Variants in GABRA4 observed in about 807,000 individuals in gnomAD.
GABRA4 encodes the protein gamma-aminobutyric acid receptor subunit alpha-4.
Under a neutral mutation model 49.7 loss-of-function variants are expected in GABRA4, and 12 were observed. That is an observed-to-expected ratio of 0.24 (90% CI 0.15 to 0.39). GABRA4 has a LOEUF of 0.39. GABRA4 is among the 10% of genes least tolerant of loss of function. The pLI, the probability that GABRA4 is intolerant of heterozygous loss-of-function variation, is 1.00. For synonymous variants in GABRA4, 288 were observed against 240.2 expected (o/e 1.20, Z -1.84); for missense variants, 506 against 686.0 (o/e 0.74, Z 2.93).
chr4:46,943,100 G>A (rs971412270), intron 8 of GABRA4, among the ~76,000 whole-genome samples: 1 of 152,066 alleles, frequency 6.6e-6, no homozygotes, highest in African/African-American at 2.4e-5. Context: ...GTAGAGACCA[G>A]CCCAAAGTTC....
intron 6 of GABRA4, among the ~76,000 whole-genome samples, chr4:46,972,564 C>A (rs924867627): frequency 6.6e-6 from 1 of 151,382 alleles, no homozygotes; most frequent in Non-Finnish European, 1.5e-5. Context: ...ATATACATCA[C>A]CCCCAAAAGT....
intron 8 of GABRA4, among the ~76,000 whole-genome samples, chr4:46,934,038 T>G (rs911512741): frequency 1.3e-5 from 2 of 152,124 alleles, no homozygotes; most frequent in Non-Finnish European, 2.9e-5. Flanking sequence ...AACTTATGAC[T>G]CTAGCAGCAA....
chr4:46,978,703 A>G (rs950476440), intron 3 of GABRA4, among the ~76,000 whole-genome samples: 4 of 149,842 alleles, frequency 2.7e-5, no homozygotes, highest in Non-Finnish European at 5.9e-5. Context: ...AAAAAAAAAA[A>G]AAAAAAAAAA....
At chr4:46,962,308 T>A (rs1722605731) in intron 8 of GABRA4, among the ~76,000 whole-genome samples, 1 of 151,832 alleles carries the variant, frequency 6.6e-6, no homozygotes, top group South Asian at 2.1e-4. Context: ...TTTTTGTATG[T>A]CAATAGTTAA....
chr4:46,947,337 G>A (rs773336581), intron 8 of GABRA4, among the ~76,000 whole-genome samples: 32 of 151,924 alleles, frequency 2.1e-4, no homozygotes, highest in Non-Finnish European at 3.8e-4. Flanking sequence ...ATTTTATGCC[G>A]ATTTTGGAAC....
chr4:46,952,416 T>C (rs996461648), intron 8 of GABRA4, among the ~76,000 whole-genome samples: 2 of 152,124 alleles, frequency 1.3e-5, no homozygotes, highest in Non-Finnish European at 2.9e-5. Context: ...AAGTGTCCTC[T>C]TTCTAAAACT....
intron 7 of GABRA4, among the ~76,000 whole-genome samples, chr4:46,970,688 A>T (rs1722924170): frequency 6.7e-6 from 1 of 148,714 alleles, no homozygotes; most frequent in South Asian, 2.1e-4. Flanking sequence ...TAAGGCTTTC[A>T]TATTCATTCA....
chr4:46,937,350 T>A (rs1480080231), intron 8 of GABRA4, among the ~76,000 whole-genome samples: 1 of 152,232 alleles, frequency 6.6e-6, no homozygotes, highest in Non-Finnish European at 1.5e-5. Context: ...GCTATTTTGT[T>A]ATGGCAACCT....
rs891753098 is a variant in GABRA4, at chr4:46,940,675, A to G, written c.1135-11920T>C. 1.2e-4 allele frequency among the ~76,000 whole-genome samples: 19 copies of G among 152,138 alleles called. 1 individual carries two copies. The highest frequency in any genetic ancestry group is 6.8e-3 in the Middle Eastern group (2 of 294). ...CACATTAAGTCAGCAGAACAAACTC[A>G]AGTTCTACTGTGACACCGATTGGTA... On this transcript the variant is annotated intron_variant, in intron 8 of 8. Coordinates refer to ENST00000264318, the MANE Select transcript of GABRA4 (RefSeq NM_000809.4).
At chr4:46,977,362 G>T in intron 4 of GABRA4, 48 bp downstream of exon 4, 1 of 1,064,540 alleles carries the variant, frequency 9.4e-7, no homozygotes. Context: ...GGAAAGGAAA[G>T]AAAGAAAAGA....
chr4:46,977,173 C>T (rs768983120), intron 4 of GABRA4, 30 bp from the exon 5 acceptor site: 4 of 1,419,274 alleles, frequency 2.8e-6, no homozygotes, highest in Non-Finnish European at 2.0e-6. Context: ...TAAATAAAAT[C>T]AACCCTTTTA....
rs1251988770 is a variant in GABRA4, at chr4:46,923,468, A to T, written c.*4757T>A. On this transcript the variant is annotated 3_prime_UTR_variant, in exon 9 of 9. Coordinates refer to ENST00000264318, the MANE Select transcript of GABRA4 (RefSeq NM_000809.4). ...CTAGACAAACATATCCAAATACAAA[A>T]TATTTCTGATTTCTGGGTGGTAGAA... The T allele has an allele frequency of 2.0e-5, 3 of 152,098 alleles. No individual in the cohort carries two copies. Among genetic ancestry groups the T allele is most frequent in the Non-Finnish European group, 4.4e-5 (3 of 67,988 alleles). 9.4% of individuals were successfully genotyped at this position (152,098 alleles called of 1,614,324 possible).
At chr4:46,945,471 G>A (rs779051611) in intron 8 of GABRA4, among the ~76,000 whole-genome samples, 1 of 152,228 alleles carries the variant, frequency 6.6e-6, no homozygotes, top group African/African-American at 2.4e-5. Flanking sequence ...AGCTGTGATA[G>A]CTTGTTTAAC....
chr4:46,958,064 A>T lies in GABRA4; in HGVS notation c.1134+6906T>A, dbSNP rs964914465. 5.3e-5 allele frequency among the ~76,000 whole-genome samples: 8 copies of T among 152,082 alleles called. 2 individuals are homozygous for T. The highest frequency in any genetic ancestry group is 1.3e-4 in the Admixed American group (2 of 15,236). ...ATTTATATGTATATAAAATACATAC[A>T]GTTTAATGTCTATTCTTAATAGAGA... On this transcript the variant is annotated intron_variant, in intron 8 of 8. Transcript: ENST00000264318.
At chr4:46,942,455 A>C (rs961107413) in intron 8 of GABRA4, among the ~76,000 whole-genome samples, 1 of 151,976 alleles carries the variant, frequency 6.6e-6, no homozygotes, top group African/African-American at 2.4e-5. Context: ...CCCCATCTCT[A>C]CTAAAAAATA....
rs138673560 is a variant in GABRA4 at position 46,932,598 on chromosome 4, C to T, written c.1135-3843G>A. On this transcript the variant is annotated intron_variant, in intron 8 of 8. Coordinates refer to ENST00000264318, the MANE Select transcript of GABRA4 (RefSeq NM_000809.4). Reference sequence around the variant, plus strand: ...ATTATTAAGTCTTTAGAATAATTTACTTGAGTTTGATTTTGCCATTTAATA... The same window carrying T: ...ATTATTAAGTCTTTAGAATAATTTATTTGAGTTTGATTTTGCCATTTAATA... Among the ~76,000 whole-genome samples, 554 of 152,184 alleles carry T rather than the reference C, an allele frequency of 3.6e-3. 3 individuals are homozygous for T. Among genetic ancestry groups the T allele is most frequent in the Middle Eastern group, 0.017 (5 of 294 alleles).
intron 8 of GABRA4, among the ~76,000 whole-genome samples, chr4:46,944,162 A>G (rs1721907003): frequency 6.6e-6 from 1 of 152,152 alleles, no homozygotes; most frequent in African/African-American, 2.4e-5. Context: ...ATCTATGTTA[A>G]GAGATAGACA....
intron 8 of GABRA4, among the ~76,000 whole-genome samples, chr4:46,952,887 T>C (rs1248313838): frequency 6.6e-6 from 1 of 152,072 alleles, no homozygotes; most frequent in Admixed American, 6.6e-5. Flanking sequence ...AACCTTTTAA[T>C]AACAAAATTT....
chr4:46,939,260 A>G (rs960181719), intron 8 of GABRA4, among the ~76,000 whole-genome samples: 1 of 152,034 alleles, frequency 6.6e-6, no homozygotes, highest in Non-Finnish European at 1.5e-5. Context: ...TTTAAAGTGA[A>G]CAATTTTATA....
Sources: gnomAD v4.1 joint callset for allele counts (sites outside exome capture counted in the v4.1 genomes callset) on GRCh38, gnomAD v4.1.1 for gene constraint, MANE v1.5 for transcripts, NCBI Gene and HGNC (gene_info 2026-07-23, HGNC 2026-07-21) for gene names.